SLMAP: variants seen among roughly 807,000 people sequenced by gnomAD.
The protein encoded by SLMAP is sarcolemma associated protein.
Under a neutral mutation model 128.8 loss-of-function variants are expected in SLMAP, and 44 were observed. That is an observed-to-expected ratio of 0.34 (90% confidence interval 0.27 to 0.44). The LOEUF is 0.44. Among genes scored for constraint, SLMAP ranks in the 20% least tolerant of loss-of-function variants. The pLI is 1.00. For synonymous variants in SLMAP, 327 were observed against 348.8 expected (o/e 0.94, Z 0.70); for missense variants, 787 against 985.3 (o/e 0.80, Z 2.69).
intron 15 of SLMAP, among the ~76,000 whole-genome samples, chr3:57,891,619 C>T (rs916195982): frequency 2.6e-5 from 4 of 151,846 alleles, no homozygotes; most frequent in African/African-American, 9.7e-5. Context: ...TCATGTTGCC[C>T]AGGCTGGAGT....
chr3:57,820,198 C>T (rs911803775), intron 2 of SLMAP, among the ~76,000 whole-genome samples: 12 of 152,046 alleles, frequency 7.9e-5, no homozygotes, highest in African/African-American at 2.4e-4. Flanking sequence ...AATATCCCCT[C>T]GTTCTGTTCC....
At chr3:57,842,690 CTCTATCCTTTGTGTT>C (rs1178479213) in intron 4 of SLMAP, among the ~76,000 whole-genome samples, 1 of 152,108 alleles carries the variant, frequency 6.6e-6, no homozygotes, top group African/African-American at 2.4e-5. Context: ...TGTATTGTGT[CTCTATCCTTTGTGTT>C]TCTCTAATTC....
chr3:57,764,731 CAGAG>C (rs2079337123), intron 2 of SLMAP, among the ~76,000 whole-genome samples: 3 of 152,074 alleles, frequency 2.0e-5, no homozygotes, highest in African/African-American at 7.2e-5. Flanking sequence ...AATTGAGGCA[CAGAG>C]AGATCTTGGT....
In SLMAP at chr3:57,929,141, A is replaced by G. The variant is rs937471269; in HGVS notation, c.*1852A>G. 3 of 152,636 alleles carry G rather than the reference A, an allele frequency of 2.0e-5. No individual in the cohort carries two copies. The highest frequency in any genetic ancestry group is 7.2e-5 in the African/African-American group (3 of 41,462). The allele number at this position is 152,636 out of a possible 1,614,324, so 9.5% of individuals were successfully genotyped here. On this transcript the variant is annotated 3_prime_UTR_variant, in exon 25 of 25. Coordinates refer to ENST00000671191, the MANE Select transcript of SLMAP (RefSeq NM_001377540.1). ...TGCACTAACACACGTGACGTGCATG[A>G]TTTAATAAAATAACTTTACTCTCCC...
At chr3:57,864,430 ATTTCT>A (rs1349398679) in intron 10 of SLMAP, 113 bp from the exon 11 acceptor site, 28 of 642,350 alleles carry the variant, frequency 4.4e-5, no homozygotes, top group Non-Finnish European at 4.5e-5. Flanking sequence ...TCTGTAGAAC[ATTTCT>A]TTTCTACAGA....
At chr3:57,773,398 C>T (rs573198493) in intron 2 of SLMAP, among the ~76,000 whole-genome samples, 1 of 152,138 alleles carries the variant, frequency 6.6e-6, no homozygotes, top group Non-Finnish European at 1.5e-5. Flanking sequence ...TATTAATTAG[C>T]CTATGGTAAA....
chr3:57,910,131 T>C (rs2096659112), intron 19 of SLMAP, among the ~76,000 whole-genome samples: 1 of 152,218 alleles, frequency 6.6e-6, no homozygotes, highest in Non-Finnish European at 1.5e-5. Context: ...TATATATTGA[T>C]GGCTGGTGTA....
At chr3:57,914,886 A>AT (rs201557292) in intron 21 of SLMAP, among the ~76,000 whole-genome samples, 17,207 of 134,538 alleles carry the variant, frequency 0.13, 1,073 homozygotes, top group South Asian at 0.16. Context: ...TCAACTCATA[A>AT]TTTTTTTTTT....
intron 2 of SLMAP, among the ~76,000 whole-genome samples, chr3:57,805,807 A>T (rs1218292612): frequency 6.6e-6 from 1 of 152,110 alleles, no homozygotes; most frequent in African/African-American, 2.4e-5. Context: ...TACATCACAT[A>T]CTAGTCCTCT....
At chr3:57,910,881 T>G (rs2096677676) in intron 19 of SLMAP, among the ~76,000 whole-genome samples, 1 of 152,188 alleles carries the variant, frequency 6.6e-6, no homozygotes. Flanking sequence ...CCAAGATACT[T>G]GCCCAAAAAT....
chr3:57,822,383 T>C (rs147450651), intron 2 of SLMAP, among the ~76,000 whole-genome samples: 1 of 152,280 alleles, frequency 6.6e-6, no homozygotes, highest in African/African-American at 2.4e-5. Flanking sequence ...AGGCTCAGTT[T>C]CTTAATCTGA....
chr3:57,861,213 C>T (rs71311826), intron 9 of SLMAP, among the ~76,000 whole-genome samples: 2,231 of 152,142 alleles, frequency 0.015, 20 homozygotes, highest in Non-Finnish European at 0.021. Flanking sequence ...ACTACTTGTT[C>T]TTTTTTAATT....
chr3:57,830,904 A>G (rs540871546), intron 2 of SLMAP, among the ~76,000 whole-genome samples: 12 of 152,198 alleles, frequency 7.9e-5, no homozygotes, highest in Admixed American at 5.9e-4. Flanking sequence ...CATGTTATCA[A>G]TACTTCACCC....
At position 57,763,480 on chromosome 3, in the gene SLMAP, G is replaced by T. The variant is rs758620359; in HGVS notation, c.198+5631G>T. On this transcript the variant is annotated intron_variant, in intron 2 of 24. Coordinates refer to ENST00000671191, the MANE Select transcript of SLMAP (RefSeq NM_001377540.1). ...AGTAGAAACGGGGTTTCACCATGTT[G>T]CACAAGCTGGTCTCGAACTCCTGAG... Among the ~76,000 whole-genome samples, 136 of 151,974 alleles carry T rather than the reference G, an allele frequency of 8.9e-4. 2 individuals carry two copies. The highest frequency in any genetic ancestry group is 3.3e-4 in the Admixed American group (5 of 15,258).
At chr3:57,891,003 G>T (rs907013771) in intron 15 of SLMAP, 6 of 152,118 alleles carry the variant, frequency 3.9e-5, no homozygotes, top group African/African-American at 1.2e-4. Context: ...GGGAAAAAAT[G>T]CATAGAATAT....
At chr3:57,870,293 T>C (rs1036088484) in intron 13 of SLMAP, among the ~76,000 whole-genome samples, 48 of 152,318 alleles carry the variant, frequency 3.2e-4, no homozygotes, top group African/African-American at 1.0e-3. Flanking sequence ...ATTACTATTA[T>C]ACTGAGGGCT....
At chr3:57,792,352 A>T (rs1198565834) in intron 2 of SLMAP, among the ~76,000 whole-genome samples, 1 of 151,862 alleles carries the variant, frequency 6.6e-6, no homozygotes, top group African/African-American at 2.4e-5. Flanking sequence ...AAACATAGTT[A>T]AAAAACTACA....
intron 14 of SLMAP, among the ~76,000 whole-genome samples, chr3:57,881,298 A>G (rs1248240406): frequency 6.6e-6 from 1 of 152,204 alleles, no homozygotes; most frequent in African/African-American, 2.4e-5. Flanking sequence ...TTATCATGAC[A>G]GGAAAATTCT....
At chr3:57,857,568 C>A in intron 6 of SLMAP, among the ~76,000 whole-genome samples, 165 bp from the exon 7 acceptor site, 1 of 152,076 alleles carries the variant, frequency 6.6e-6, no homozygotes, top group South Asian at 2.1e-4. Flanking sequence ...CAGAGATAAG[C>A]GGGGACTGCT....
Sources: allele counts gnomAD v4.1 joint callset (sites outside exome capture counted in the v4.1 genomes callset), GRCh38; gene constraint gnomAD v4.1.1; transcripts MANE v1.5; gene names NCBI Gene and HGNC (gene_info 2026-07-23, HGNC 2026-07-21).